DYNC2I2: variants seen among roughly 807,000 people sequenced by gnomAD.
The protein encoded by DYNC2I2 is dynein 2 intermediate chain 2.
A neutral mutation model predicts 52.0 loss-of-function variants in DYNC2I2; 39 were observed. That is an observed-to-expected ratio of 0.75 (90% CI 0.58 to 0.98). The LOEUF is 0.98. DYNC2I2 is among the 50% of genes least tolerant of loss of function. The probability of loss-of-function intolerance (pLI) is 0.00; values close to 1 mark genes in which losing one functional copy is unlikely to be tolerated. For missense variants in DYNC2I2, 743 were observed against 728.4 expected (o/e 1.02, Z -0.23); for synonymous variants, 359 against 321.1 (o/e 1.12, Z -1.26).
chr9:128,661,582 C>T (rs896956865), upstream of DYNC2I2, among the ~76,000 whole-genome samples: 4 of 152,094 alleles, frequency 2.6e-5, no homozygotes, highest in Non-Finnish European at 5.9e-5. Context: ...TGAGCCGTTG[C>T]ACTCCAGCCT....
At chr9:128,637,635 G>A (rs1589430455) in intron 2 of DYNC2I2, among the ~76,000 whole-genome samples, 1 of 152,118 alleles carries the variant, frequency 6.6e-6, no homozygotes. Flanking sequence ...CAGAGACGGG[G>A]TTTCACCATG....
At chr9:128,653,367 C>T (rs772212293) in intron 1 of DYNC2I2, among the ~76,000 whole-genome samples, 1 of 150,778 alleles carries the variant, frequency 6.6e-6, no homozygotes, top group African/African-American at 2.5e-5. Context: ...GGTGAAAGGT[C>T]GGGAGTTCAA....
At position 128,633,941 on chromosome 9, in the gene DYNC2I2, G is replaced by C; in HGVS notation, c.1414C>G (p.Pro472Ala). The C allele has an allele frequency of 6.2e-7, 1 of 1,613,160 alleles. No homozygotes were observed. The highest frequency in any genetic ancestry group is 8.5e-7 in the Non-Finnish European group (1 of 1,180,042). The change falls in exon 9 of 9, where the codon CCC becomes GCC. Residue 472 changes from proline (P) to alanine (A), a missense_variant. Transcript: ENST00000372715. ...LFDLQKSSQKPTVLIKQTQDE... is the reference protein window; with the variant it reads ...LFDLQKSSQKATVLIKQTQDE... Reference sequence around the variant, plus strand: ...TGGGTTTGCTTGATCAAAACTGTGGGTTTCTGGGAGCTTTTCTGGAGATCA... The same window carrying C: ...TGGGTTTGCTTGATCAAAACTGTGGCTTTCTGGGAGCTTTTCTGGAGATCA...
chr9:128,668,814 T>TA, the DYNC2I2 span, among the ~76,000 whole-genome samples: 4 of 126,076 alleles, frequency 3.2e-5, no homozygotes, highest in Admixed American at 1.7e-4. Flanking sequence ...AGACTCAGTC[T>TA]AAAAAAAAGG....
intron 4 of DYNC2I2, 54 bp downstream of exon 4, chr9:128,636,227 G>C: frequency 6.4e-7 from 1 of 1,550,966 alleles, no homozygotes; most frequent in Non-Finnish European, 8.7e-7. Context: ...GCCCTCTGCA[G>C]GGCGGGAAGC....
At chr9:128,679,265 TA>T in the DYNC2I2 span, among the ~76,000 whole-genome samples, 1 of 152,026 alleles carries the variant, frequency 6.6e-6, no homozygotes, top group Non-Finnish European at 1.5e-5. Context: ...TTGCCCTTTG[TA>T]AAATCAAGAC....
chr9:128,666,383 GAAAAAA>G, the DYNC2I2 span, among the ~76,000 whole-genome samples: 1 of 46,746 alleles, frequency 2.1e-5, no homozygotes, highest in Admixed American at 2.4e-4. Context: ...CCCTGTCTCA[GAAAAAA>G]AAAAAAAAAA....
intron 2 of DYNC2I2, among the ~76,000 whole-genome samples, 195 bp downstream of exon 2, chr9:128,640,496 C>T (rs1860492174): frequency 6.6e-6 from 1 of 152,210 alleles, no homozygotes; most frequent in Non-Finnish European, 1.5e-5. Flanking sequence ...AGAACAATAC[C>T]GACCTCAAGG....
intron 1 of DYNC2I2, among the ~76,000 whole-genome samples, chr9:128,655,971 G>A (rs1365985004): frequency 6.6e-6 from 1 of 150,514 alleles, no homozygotes; most frequent in Non-Finnish European, 1.5e-5. Flanking sequence ...ACTTTGGGAG[G>A]CCGAGGAAGG....
At chr9:128,671,333 G>C in the DYNC2I2 span, among the ~76,000 whole-genome samples, 1 of 140,690 alleles carries the variant, frequency 7.1e-6, no homozygotes, top group Non-Finnish European at 1.5e-5. Flanking sequence ...ATGGAGTCTT[G>C]CTCTGTCACC....
intron 1 of DYNC2I2, among the ~76,000 whole-genome samples, chr9:128,642,331 C>G (rs1297370765): frequency 6.6e-6 from 1 of 150,456 alleles, no homozygotes; most frequent in East Asian, 1.9e-4. Context: ...TGGCGCGTGC[C>G]TGTAATCCTA....
intron 1 of DYNC2I2, among the ~76,000 whole-genome samples, chr9:128,646,145 CAGA>C (rs1860613678): frequency 6.6e-6 from 1 of 152,116 alleles, no homozygotes; most frequent in Admixed American, 6.5e-5. Context: ...GCAAGTTCTC[CAGA>C]AGATCTAGCT....
chr9:128,683,256 TTC>T, the DYNC2I2 span, among the ~76,000 whole-genome samples: 2 of 138,744 alleles, frequency 1.4e-5, no homozygotes, highest in Non-Finnish European at 3.0e-5. Context: ...TTTTCCCTCT[TTC>T]TCTGTAATTC....
chr9:128,657,772 A>G (rs558139699), upstream of DYNC2I2, among the ~76,000 whole-genome samples: 14 of 152,018 alleles, frequency 9.2e-5, no homozygotes, highest in Admixed American at 9.2e-4. Context: ...ACACCACTAC[A>G]CTACAGCCTG....
chr9:128,673,605 AC>A, the DYNC2I2 span, among the ~76,000 whole-genome samples: 1 of 150,408 alleles, frequency 6.6e-6, no homozygotes, highest in Non-Finnish European at 1.5e-5. Flanking sequence ...TCCTGGGTTC[AC>A]GCCATTCTCC....
rs551915056 is a variant in DYNC2I2 at position 128,633,757 on chromosome 9, T to G, written c.1598A>C (p.Glu533Ala). 1 of 1,612,940 alleles carries G rather than the reference T, an allele frequency of 6.2e-7. No individual in the cohort carries two copies. The highest frequency in any genetic ancestry group is 1.1e-5 in the South Asian group (1 of 91,064). The change falls in exon 9 of 9, where the codon GAG becomes GCG. Residue 533 changes from glutamate (E) to alanine (A), a missense_variant. Transcript: ENST00000372715. The stretch of plus-strand genomic sequence containing the variant: ...TCCCGGGACCCCTCAGGCCGCCACC[T>G]CTGCTGCCAGGCAGTCCAGGTCCTC... ...EAEDLDCLAA[E>A]VAA
chr9:128,642,970 A>G (rs1291624369), intron 1 of DYNC2I2, among the ~76,000 whole-genome samples: 1 of 151,984 alleles, frequency 6.6e-6, no homozygotes, highest in Non-Finnish European at 1.5e-5. Context: ...GGCTGTCTGG[A>G]TGGGATGGCG....
intron 1 of DYNC2I2, among the ~76,000 whole-genome samples, chr9:128,643,634 G>T (rs1472714757): frequency 6.6e-6 from 1 of 152,010 alleles, no homozygotes; most frequent in Non-Finnish European, 1.5e-5. Flanking sequence ...GGAGGCTGCA[G>T]TGAGCAGTTG....
chr9:128,649,789 TCA>T (rs1440196006), intron 1 of DYNC2I2, among the ~76,000 whole-genome samples: 12,967 of 75,374 alleles, frequency 0.17, 3,485 homozygotes, highest in Non-Finnish European at 0.24. Flanking sequence ...GGTCAGGAGT[TCA>T]AGACCAGCCT....
Sources: gnomAD v4.1 joint callset for allele counts (sites outside exome capture counted in the v4.1 genomes callset) on GRCh38, gnomAD v4.1.1 for gene constraint, MANE v1.5 for transcripts, NCBI Gene and HGNC (gene_info 2026-07-23, HGNC 2026-07-21) for gene names.